Variants in SKIC3 observed in about 807,000 individuals in gnomAD.
SKIC3 encodes SKI3 subunit of superkiller complex.
chr5:95,523,926 A>T, the SKIC3 span: 2 of 1,279,348 alleles, frequency 1.6e-6, no homozygotes, highest in Non-Finnish European at 2.2e-6. Context: ...AGATTAAAGA[A>T]AAAAGAAATA....
chr5:95,478,524 A>AAT, the SKIC3 span: 1 of 1,577,360 alleles, frequency 6.3e-7, no homozygotes, highest in Non-Finnish European at 8.7e-7. Context: ...CAAATTCAAT[A>AAT]AACTTTGTCG....
At chr5:95,543,510 G>T in the SKIC3 span, among the ~76,000 whole-genome samples, 8 of 152,126 alleles carry the variant, frequency 5.3e-5, no homozygotes, top group Admixed American at 4.6e-4. Flanking sequence ...CTGTAGGAGT[G>T]ACCATAATGG....
chr5:95,510,604 C>T, the SKIC3 span, among the ~76,000 whole-genome samples: 1 of 152,186 alleles, frequency 6.6e-6, no homozygotes, highest in African/African-American at 2.4e-5. Flanking sequence ...CAGGAACTGA[C>T]TGCGCAAGAA....
chr5:95,546,028 C>T, the SKIC3 span, among the ~76,000 whole-genome samples: 31 of 152,184 alleles, frequency 2.0e-4, no homozygotes, highest in Middle Eastern at 3.4e-3. Flanking sequence ...CTATCCTAAA[C>T]GCTTTTTCCA....
chr5:95,494,084 G>T, the SKIC3 span, among the ~76,000 whole-genome samples: 1 of 152,076 alleles, frequency 6.6e-6, no homozygotes, highest in Non-Finnish European at 1.5e-5. Flanking sequence ...AAATAATTTA[G>T]TAACTATAGG....
chr5:95,480,473 C>A, the SKIC3 span, among the ~76,000 whole-genome samples: 3 of 152,258 alleles, frequency 2.0e-5, no homozygotes, highest in East Asian at 5.8e-4. Flanking sequence ...CATTAGATAT[C>A]AGGTAAACAC....
chr5:95,535,359 G>A, the SKIC3 span, among the ~76,000 whole-genome samples: 1 of 138,788 alleles, frequency 7.2e-6, no homozygotes, highest in African/African-American at 2.9e-5. Flanking sequence ...CGCCCAGGCC[G>A]GAGTGCAGTG....
At chr5:95,525,326 T>A in the SKIC3 span, 1 of 1,354,372 alleles carries the variant, frequency 7.4e-7, no homozygotes, top group African/African-American at 1.5e-5. Flanking sequence ...TCAAGCCTAC[T>A]CATTTTGAAT....
chr5:95,492,469 T>C, the SKIC3 span, among the ~76,000 whole-genome samples: 1 of 149,184 alleles, frequency 6.7e-6, no homozygotes, highest in African/African-American at 2.5e-5. Flanking sequence ...ACCCCGTCTC[T>C]ACTAAAAATA....
At chr5:95,484,036 AAAGACCTATAAT>A in the SKIC3 span, among the ~76,000 whole-genome samples, 3 of 152,206 alleles carry the variant, frequency 2.0e-5, no homozygotes, top group African/African-American at 7.2e-5. Context: ...AAAATTTTTT[AAAGACCTATAAT>A]AAGAGCTTGA....
chr5:95,498,468 T>C, the SKIC3 span: 3 of 1,614,162 alleles, frequency 1.9e-6, no homozygotes, highest in African/African-American at 1.3e-5. Flanking sequence ...AATTACTGTC[T>C]TTGTGTTTGA....
chr5:95,476,833 A>G, the SKIC3 span, among the ~76,000 whole-genome samples: 1 of 152,164 alleles, frequency 6.6e-6, no homozygotes, highest in African/African-American at 2.4e-5. Context: ...ACTGCAAGCT[A>G]ATTTCTTCAT....
chr5:95,468,395 T>C, the SKIC3 span, among the ~76,000 whole-genome samples: 32 of 152,252 alleles, frequency 2.1e-4, no homozygotes, highest in African/African-American at 7.2e-4. Flanking sequence ...CACTAAATAA[T>C]GCAAGGGTGA....
At chr5:95,464,329 G>C in the SKIC3 span, 1 of 380,650 alleles carries the variant, frequency 2.6e-6, no homozygotes, top group Non-Finnish European at 4.9e-6. Flanking sequence ...GCAAGATGCA[G>C]AAAATAATGG....
chr5:95,542,804 A>G, the SKIC3 span, among the ~76,000 whole-genome samples: 2 of 152,246 alleles, frequency 1.3e-5, no homozygotes, highest in Admixed American at 1.3e-4. Context: ...CTTGCACTCA[A>G]AGATAGAAAC....
At chr5:95,489,885 A>T in the SKIC3 span, among the ~76,000 whole-genome samples, 9 of 152,182 alleles carry the variant, frequency 5.9e-5, no homozygotes, top group African/African-American at 1.9e-4. Context: ...AATTCATTTT[A>T]TTAAAATATT....
chr5:95,521,876 A>C, the SKIC3 span, among the ~76,000 whole-genome samples: 656 of 152,198 alleles, frequency 4.3e-3, 6 homozygotes, highest in Non-Finnish European at 5.1e-3. Context: ...GTGAAACAAG[A>C]TTTGATCTTT....
the SKIC3 span, chr5:95,469,657 C>G: frequency 7.7e-7 from 1 of 1,302,542 alleles, no homozygotes. Context: ...ATATAAATAC[C>G]CCCCAAAGTT....
chr5:95,494,825 C>T, the SKIC3 span: 2 of 1,610,554 alleles, frequency 1.2e-6, no homozygotes, highest in Middle Eastern at 1.7e-4. Context: ...AGCCAATTTT[C>T]CTGATAGCTC....
Sources: allele counts gnomAD v4.1 joint callset (sites outside exome capture counted in the v4.1 genomes callset), GRCh38; gene constraint gnomAD v4.1.1; transcripts MANE v1.5; gene names NCBI Gene and HGNC (gene_info 2026-07-23, HGNC 2026-07-21).